Variants in CALM2 observed in about 807,000 individuals in gnomAD.
CALM2 encodes the protein calmodulin-2.
Under a neutral mutation model 19.8 loss-of-function variants are expected in CALM2, and 2 were observed. That is an observed-to-expected ratio of 0.10 (90% CI 0.04 to 0.32). The LOEUF is 0.32. Among genes scored for constraint, CALM2 ranks in the 10% least tolerant of loss-of-function variants. CALM2 has a pLI of 1.00. For missense variants in CALM2, 38 were observed against 178.7 expected (o/e 0.21, Z 4.49); for synonymous variants, 51 against 52.1 (o/e 0.98, Z 0.09).
chr2:47,163,484 G>A (rs1022418700), intron 2 of CALM2: 2 of 151,464 alleles, frequency 1.3e-5, no homozygotes, highest in Non-Finnish European at 2.9e-5. Context: ...CCAGGCTGGA[G>A]TGCAATGGTG....
intron 1 of CALM2, chr2:47,172,413 C>T: frequency 1.4e-6 from 1 of 692,688 alleles, no homozygotes; most frequent in Non-Finnish European, 2.3e-6. Flanking sequence ...ACAATACTTA[C>T]CTTGCAGGGT....
intron 2 of CALM2, among the ~76,000 whole-genome samples, chr2:47,169,413 G>A (rs1666597487): frequency 6.6e-6 from 1 of 152,110 alleles, no homozygotes; most frequent in African/African-American, 2.4e-5. Context: ...TGCTGCCTCA[G>A]CCTCCCAAAG....
chr2:47,176,914 C>T (rs759389503), upstream of CALM2: 8 of 985,298 alleles, frequency 8.1e-6, no homozygotes, highest in South Asian at 9.4e-5. Flanking sequence ...CGTTGCTGCT[C>T]GGGCCGCGCT....
intron 4 of CALM2, 47 bp downstream of exon 4, chr2:47,162,239 A>T: frequency 1.2e-6 from 1 of 813,116 alleles, no homozygotes; most frequent in Non-Finnish European, 1.9e-6. Flanking sequence ...GAGTCCTGGT[A>T]TCTTCATTTC....
intron 2 of CALM2, among the ~76,000 whole-genome samples, chr2:47,164,943 C>A (rs1666415236): frequency 6.6e-6 from 1 of 152,206 alleles, no homozygotes; most frequent in Admixed American, 6.5e-5. Context: ...ACTATTCTTC[C>A]ACTAATTTGC....
chr2:47,167,945 A>T lies in CALM2; in HGVS notation c.34+2789T>A, dbSNP rs139026450. Among the ~76,000 whole-genome samples the T allele has an allele frequency of 3.3e-3, 504 of 151,472 alleles. 2 individuals are homozygous for T. Among genetic ancestry groups the T allele is most frequent in the African/African-American group, 0.012 (485 of 41,218 alleles). On this transcript the variant is annotated intron_variant, in intron 2 of 5. Coordinates refer to ENST00000272298, the MANE Select transcript of CALM2 (RefSeq NM_001743.6). ...CCATGCCCAGCCACCAACAATTACA[A>T]TTTACCAGATTAAAAAATTGCCTTC...
intron 2 of CALM2, chr2:47,167,655 C>G (rs1272946818): frequency 8.6e-6 from 1 of 116,430 alleles, no homozygotes; most frequent in African/African-American, 3.4e-5. Flanking sequence ...GATCATGCTA[C>G]TGCACTCCAG....
chr2:47,172,664 C>A, intron 1 of CALM2: 1 of 328,504 alleles, frequency 3.0e-6, no homozygotes. Flanking sequence ...AAGGTGCAAC[C>A]CAGCGACAGA....
At chr2:47,176,621 C>T (rs3729967), upstream of CALM2, 2,237 of 1,517,250 alleles carry the variant, frequency 1.5e-3, 41 homozygotes, top group African/African-American at 0.026. Flanking sequence ...ACCCCCTCCC[C>T]TCAAACTCTT....
At chr2:47,167,690 T>C (rs1243423504) in intron 2 of CALM2, 1 of 22,520 alleles carries the variant, frequency 4.4e-5, no homozygotes, top group East Asian at 1.0e-3. Flanking sequence ...TGAAGCTCCG[T>C]CTCAAAAAAA....
intron 2 of CALM2, chr2:47,167,809 C>CTTTTTTTTTTTTTTT (rs1400752450): frequency 1.1e-4 from 2 of 18,238 alleles, no homozygotes; most frequent in African/African-American, 2.7e-4. Context: ...ATTTTTTTTT[C>CTTTTTTTTTTTTTTT]TTTTCTTTGA....
chr2:47,175,710 C>G (rs1390113334), intron 1 of CALM2, among the ~76,000 whole-genome samples: 1 of 151,860 alleles, frequency 6.6e-6, no homozygotes, highest in African/African-American at 2.4e-5. Flanking sequence ...CGCCAATGGC[C>G]CCGCAGCGCC....
chr2:47,161,711 T>G lies in CALM2; in HGVS notation c.421+12A>C, dbSNP rs1274120592. The G allele has an allele frequency of 6.2e-7, 1 of 1,606,290 alleles. No homozygotes were observed. The highest frequency in any genetic ancestry group is 1.7e-5 in the Admixed American group (1 of 58,886). Reference sequence around the variant, plus strand: ...CAAAGTGAAGAATGAGGCGTGAGACTGAAACATTTACCTTCATAGTTTACT... The same window carrying G: ...CAAAGTGAAGAATGAGGCGTGAGACGGAAACATTTACCTTCATAGTTTACT... On this transcript the variant is annotated intron_variant, in intron 5 of 5. Transcript: ENST00000272298.
intron 1 of CALM2, 116 bp downstream of exon 1, chr2:47,176,325 T>G (rs907435937): frequency 1.2e-5 from 16 of 1,307,924 alleles, no homozygotes; most frequent in South Asian, 4.0e-5. Context: ...GCGCCATCCC[T>G]CTGGCAGAAA....
At chr2:47,166,221 A>G (rs1474793097) in intron 2 of CALM2, among the ~76,000 whole-genome samples, 4 of 152,210 alleles carry the variant, frequency 2.6e-5, no homozygotes, top group African/African-American at 9.6e-5. Context: ...CTAGAAATAC[A>G]TATATTGGAG....
At chr2:47,175,638 G>A (rs959132797) in intron 1 of CALM2, among the ~76,000 whole-genome samples, 2 of 151,824 alleles carry the variant, frequency 1.3e-5, no homozygotes, top group African/African-American at 4.8e-5. Flanking sequence ...GATGGAGAAG[G>A]AAGATTAGGG....
upstream of CALM2, chr2:47,176,522 C>T: frequency 5.0e-6 from 8 of 1,596,328 alleles, no homozygotes; most frequent in Non-Finnish European, 6.0e-6. Context: ...AATTCGCCTC[C>T]TCCGCCCCCA....
chr2:47,166,849 A>G (rs986250237), intron 2 of CALM2, among the ~76,000 whole-genome samples: 1 of 152,194 alleles, frequency 6.6e-6, no homozygotes, highest in Non-Finnish European at 1.5e-5. Context: ...CAGAACAGCT[A>G]TCTTCTACAT....
At chr2:47,175,282 G>A (rs1164856898) in intron 1 of CALM2, among the ~76,000 whole-genome samples, 2 of 152,146 alleles carry the variant, frequency 1.3e-5, no homozygotes, top group Non-Finnish European at 2.9e-5. Context: ...CAAAGCAGCA[G>A]AAGGGGAGCA....
Sources: allele counts gnomAD v4.1 joint callset (sites outside exome capture counted in the v4.1 genomes callset), GRCh38; gene constraint gnomAD v4.1.1; transcripts MANE v1.5; gene names NCBI Gene and HGNC (gene_info 2026-07-23, HGNC 2026-07-21).